The following OTUD7A variants were observed in gnomAD, a reference collection of about 807,000 sequenced individuals.
OTUD7A encodes OTU domain-containing protein 7A.
A neutral mutation model predicts 65.7 loss-of-function variants in OTUD7A; 12 were observed. That is an observed-to-expected ratio of 0.18 (90% CI 0.12 to 0.30). OTUD7A has a LOEUF of 0.30. Ranked by LOEUF, OTUD7A falls within the 10% of genes least tolerant of loss-of-function variation. The pLI is 1.00. For missense variants in OTUD7A, 1,148 were observed against 1,304.8 expected, an observed-to-expected ratio of 0.88 and a Z score of 1.85; for synonymous variants, 641 against 586.3, an observed-to-expected ratio of 1.09 and a Z score of -1.35.
chr15:31,543,584 AC>A (rs1888046038), intron 5 of OTUD7A, among the ~76,000 whole-genome samples: 1 of 151,916 alleles, frequency 6.6e-6, no homozygotes, highest in Admixed American at 6.5e-5. Flanking sequence ...GTTTTAACTT[AC>A]GGAAAGCTAA....
chr15:31,655,050 G>T, intron 3 of OTUD7A, 46 bp downstream of exon 3: 1 of 1,592,012 alleles, frequency 6.3e-7, no homozygotes, highest in African/African-American at 1.3e-5. Flanking sequence ...TTTGGAAGGT[G>T]GTTATGCCCA....
chr15:31,503,754 G>A lies in OTUD7A; in HGVS notation c.958C>T (p.His320Tyr). Residue 320 changes from histidine to tyrosine, a missense_variant, in exon 9 of 13, where the codon CAT becomes TAT. Coordinates refer to ENST00000307050, the MANE Select transcript of OTUD7A (RefSeq NM_001382637.1). Reference sequence around the variant, plus strand: ...ACAACGATGGGCCTTCTTAATATATGGGCTAGGACAAAAACGTGGAACTCT... The same window carrying A: ...ACAACGATGGGCCTTCTTAATATATAGGCTAGGACAAAAACGTGGAACTCT... ...LEEFHVFVLAHILRRPIVVVA... is the reference protein window; with the variant it reads ...LEEFHVFVLAYILRRPIVVVA... The A allele has an allele frequency of 6.2e-7, 1 of 1,614,114 alleles. No individual in the cohort carries two copies. The highest frequency in any genetic ancestry group is 8.5e-7 in the Non-Finnish European group (1 of 1,179,998).
At position 31,483,757 on chromosome 15, in the gene OTUD7A, T is replaced by C; in HGVS notation, c.2339A>G (p.His780Arg). The C allele has an allele frequency of 2.8e-6, 3 of 1,084,414 alleles. No individual in the cohort carries two copies. Among genetic ancestry groups the C allele is most frequent in the Non-Finnish European group, 3.3e-6 (3 of 896,906 alleles). The allele number at this position is 1,084,414 out of a possible 1,614,324, so 67.2% of individuals were successfully genotyped here. ...PPAPARQSVI[H>R]VQASGARDEA... ...GTCCCGCGCGCCCGACGCCTGCACG[T>C]GGATGACGCTCTGGCGCGCTGGCGC... is the stretch of plus-strand genomic sequence containing the variant. Residue 780 changes from histidine to arginine, a missense_variant, in exon 13 of 13, where the codon CAC becomes CGC. By Grantham distance (29) the His-to-Arg change is conservative. Coordinates refer to ENST00000307050, the MANE Select transcript of OTUD7A (RefSeq NM_001382637.1).
intron 3 of OTUD7A, among the ~76,000 whole-genome samples, chr15:31,604,189 C>A (rs1890167504): frequency 6.6e-6 from 1 of 152,188 alleles, no homozygotes; most frequent in Non-Finnish European, 1.5e-5. Flanking sequence ...GACTTGGAAC[C>A]AGCCCAAATG....
At chr15:31,755,964 A>T (rs982698170) in intron 1 of OTUD7A, among the ~76,000 whole-genome samples, 2 of 152,166 alleles carry the variant, frequency 1.3e-5, no homozygotes, top group African/African-American at 4.8e-5. Context: ...TATGGGCTTA[A>T]GCCTTCTGCA....
chr15:31,716,196 AT>A (rs1309070617), intron 1 of OTUD7A, among the ~76,000 whole-genome samples: 1 of 46,332 alleles, frequency 2.2e-5, no homozygotes, highest in African/African-American at 4.4e-5. Context: ...ATAATAGTAT[AT>A]AAAATACATA....
At chr15:31,786,071 G>A (rs373545154) in intron 1 of OTUD7A, among the ~76,000 whole-genome samples, 5 of 152,156 alleles carry the variant, frequency 3.3e-5, no homozygotes, top group East Asian at 3.9e-4. Context: ...AGAGAGACCT[G>A]AGCCAGCACG....
chr15:31,794,487 C>A, intron 1 of OTUD7A, among the ~76,000 whole-genome samples: 1 of 103,528 alleles, frequency 9.7e-6, no homozygotes, highest in Non-Finnish European at 1.7e-5. Context: ...AAGTACCAAG[C>A]ATCAAAGGTA....
chr15:31,637,069 G>A (rs915038212), intron 3 of OTUD7A, among the ~76,000 whole-genome samples: 1 of 152,164 alleles, frequency 6.6e-6, no homozygotes, highest in African/African-American at 2.4e-5. Context: ...AGCTAACATC[G>A]CTGATTAAGG....
chr15:31,629,379 A>C (rs772682745), intron 3 of OTUD7A, among the ~76,000 whole-genome samples: 3 of 152,316 alleles, frequency 2.0e-5, no homozygotes, highest in Admixed American at 6.5e-5. Context: ...GGTTCTGTTT[A>C]TATGCTGGAT....
intron 6 of OTUD7A, among the ~76,000 whole-genome samples, chr15:31,527,741 T>G (rs1595585570): frequency 6.6e-6 from 1 of 152,210 alleles, no homozygotes; most frequent in East Asian, 1.9e-4. Flanking sequence ...CTCCAGGGTC[T>G]GCCATTTCCC....
chr15:31,863,557 A>G (rs2141019547), intron 1 of OTUD7A, among the ~76,000 whole-genome samples: 1 of 152,320 alleles, frequency 6.6e-6, no homozygotes, highest in South Asian at 2.1e-4. Flanking sequence ...CTGAAGTCAC[A>G]GCCTGAGCTC....
At chr15:31,838,969 T>C (rs1305569891) in intron 1 of OTUD7A, among the ~76,000 whole-genome samples, 2 of 152,132 alleles carry the variant, frequency 1.3e-5, no homozygotes. Context: ...CCATAACAGA[T>C]CCGATGGACT....
chr15:31,858,178 A>C (rs1595819071), intron 1 of OTUD7A, among the ~76,000 whole-genome samples: 3 of 152,160 alleles, frequency 2.0e-5, no homozygotes, highest in African/African-American at 7.2e-5. Flanking sequence ...CCCGCTGAGG[A>C]CCTCTTGGAG....
chr15:31,584,885 GC>G (rs1308247531), intron 3 of OTUD7A, among the ~76,000 whole-genome samples: 2 of 152,168 alleles, frequency 1.3e-5, no homozygotes, highest in Non-Finnish European at 2.9e-5. Context: ...AATCCTATGT[GC>G]CCTCTTGCTT....
At chr15:31,552,959 T>C (rs1229041380) in intron 5 of OTUD7A, among the ~76,000 whole-genome samples, 1 of 152,030 alleles carries the variant, frequency 6.6e-6, no homozygotes, top group Non-Finnish European at 1.5e-5. Flanking sequence ...AGTGTAAAAG[T>C]AGCTGGAGGA....
In OTUD7A at chr15:31,804,906, T is replaced by C. The variant is rs1479597072; in HGVS notation, c.-100+65601A>G. On this transcript the variant is annotated intron_variant, in intron 1 of 12. Transcript: ENST00000307050. Reference sequence around the variant, plus strand: ...CTCTAGGAGAACTGTTCACAACATGTGCAGAAGCAATTGCTAAAGAAATAA... The same window carrying C: ...CTCTAGGAGAACTGTTCACAACATGCGCAGAAGCAATTGCTAAAGAAATAA... Among the ~76,000 whole-genome samples the C allele has an allele frequency of 6.6e-5, 10 of 152,240 alleles. No individual in the cohort carries two copies. In the East Asian group the frequency reaches 1.9e-3, roughly 29 times the overall value.
At chr15:31,793,780 G>A (rs1478025719) in intron 1 of OTUD7A, among the ~76,000 whole-genome samples, 1 of 152,150 alleles carries the variant, frequency 6.6e-6, no homozygotes, top group East Asian at 1.9e-4. Flanking sequence ...TGGCTTTCCT[G>A]TTCTGTAAAA....
chr15:31,681,551 T>C (rs1190420586), intron 1 of OTUD7A, among the ~76,000 whole-genome samples: 4 of 151,906 alleles, frequency 2.6e-5, no homozygotes, highest in Middle Eastern at 3.2e-3. Context: ...AATGTATTTA[T>C]CTGATTATCC....
Sources: gnomAD v4.1 joint callset for allele counts (sites outside exome capture counted in the v4.1 genomes callset) on GRCh38, gnomAD v4.1.1 for gene constraint, MANE v1.5 for transcripts, NCBI Gene and HGNC (gene_info 2026-07-23, HGNC 2026-07-21) for gene names.